Variants in TMEM266 observed in about 807,000 individuals in gnomAD.
TMEM266 encodes Hv1 related protein 1.
In TMEM266, 33 loss-of-function variants were observed where a neutral mutation model predicts 50.5. The observed-to-expected ratio is 0.65, with a 90% confidence interval of 0.50 to 0.87. The LOEUF (loss-of-function observed/expected upper bound fraction) is 0.87. TMEM266 is among the 40% of genes least tolerant of loss of function. The pLI is 0.00. For synonymous variants in TMEM266, 310 were observed against 292.3 expected (o/e 1.06, Z -0.62); for missense variants, 655 against 695.1 (o/e 0.94, Z 0.65).
At chr15:76,066,116 T>G (rs761571557) in intron 1 of TMEM266, among the ~76,000 whole-genome samples, 1 of 152,236 alleles carries the variant, frequency 6.6e-6, no homozygotes, top group Non-Finnish European at 1.5e-5. Flanking sequence ...TTCCTCAGCA[T>G]TTAGCACTAT....
chr15:76,123,789 T>G (rs1028198330), intron 1 of TMEM266, among the ~76,000 whole-genome samples: 1 of 151,650 alleles, frequency 6.6e-6, no homozygotes, highest in Non-Finnish European at 1.5e-5. Context: ...TCACTGCCAC[T>G]GCAACCTCCA....
intron 1 of TMEM266, among the ~76,000 whole-genome samples, chr15:76,065,928 C>T (rs776347061): frequency 6.6e-6 from 1 of 152,106 alleles, no homozygotes; most frequent in Non-Finnish European, 1.5e-5. Flanking sequence ...CTATTCTGCC[C>T]CTCCTTCCCT....
rs763774429 is a variant in TMEM266 at position 76,203,870 on chromosome 15, C to T, written c.1151C>T (p.Ala384Val). Residue 384 changes from alanine to valine, a missense_variant, in exon 11 of 11, where the codon GCC (alanine) becomes GTC (valine). By Grantham distance (64) the Ala-to-Val change is moderately conservative (BLOSUM62 0). Around this residue, in one of 3 missense-constraint regions of TMEM266, gnomAD observed 455 missense variants for 401.8 expected, o/e 1.13. Transcript: ENST00000388942. The stretch of plus-strand genomic sequence containing the variant: ...AAACTCGGCGGTAATGGCACCAGCG[C>T]CACCTCGGAGAGTGCCTCCCGCAGC... The T allele has an allele frequency of 1.9e-6, 3 of 1,614,210 alleles. No individual in the cohort carries two copies. Among genetic ancestry groups the T allele is most frequent in the Middle Eastern group, 1.6e-4 (1 of 6,062 alleles).
intron 1 of TMEM266, among the ~76,000 whole-genome samples, chr15:76,101,533 T>A (rs993750788): frequency 6.6e-5 from 10 of 152,154 alleles, no homozygotes; most frequent in African/African-American, 2.4e-4. Flanking sequence ...TTGGGAGACT[T>A]TGGGAAGGTC....
chr15:76,199,208 G>A (rs1419891407), intron 9 of TMEM266, among the ~76,000 whole-genome samples: 3 of 152,234 alleles, frequency 2.0e-5, no homozygotes, highest in Non-Finnish European at 4.4e-5. Flanking sequence ...GATGGAGGCG[G>A]ATGGAGAAAC....
chr15:76,156,142 C>T (rs377307983), intron 3 of TMEM266, among the ~76,000 whole-genome samples: 1 of 152,316 alleles, frequency 6.6e-6, no homozygotes, highest in African/African-American at 2.4e-5. Context: ...GGGCAGATCA[C>T]CTGAGGTCAG....
chr15:76,141,712 ACT>A (rs1257866299), intron 3 of TMEM266, among the ~76,000 whole-genome samples: 1 of 151,900 alleles, frequency 6.6e-6, no homozygotes, highest in African/African-American at 2.4e-5. Context: ...CAAACTAGAA[ACT>A]CTATACCCAG....
intron 1 of TMEM266, among the ~76,000 whole-genome samples, chr15:76,104,860 C>T (rs2037057396): frequency 6.6e-6 from 1 of 152,118 alleles, no homozygotes; most frequent in African/African-American, 2.4e-5. Flanking sequence ...GTTTGTGTTC[C>T]TGTCAGAGCC....
At chr15:76,177,275 G>A (rs1366233047) in intron 8 of TMEM266, among the ~76,000 whole-genome samples, 2 of 152,248 alleles carry the variant, frequency 1.3e-5, no homozygotes. Flanking sequence ...CACTCCGCGC[G>A]TTGTAGGTCT....
rs139694186 is a variant in TMEM266 at position 76,091,627 on chromosome 15, T to C, written c.-97+31611T>C. On this transcript the variant is annotated intron_variant, in intron 1 of 10. Coordinates refer to ENST00000388942, the MANE Select transcript of TMEM266 (RefSeq NM_152335.3). ...GATCTTTCATAAAATGGAGAAAACA[T>C]TTATTTCTGCTTCCTGTTTCTACTT... Among the ~76,000 whole-genome samples, 49 of 152,056 alleles carry C rather than the reference T, an allele frequency of 3.2e-4. No homozygotes were observed. In the East Asian group the frequency reaches 9.1e-3, roughly 28 times the overall value.
intron 8 of TMEM266, chr15:76,191,601 C>A: frequency 5.3e-6 from 1 of 188,014 alleles, no homozygotes. Context: ...TCGAGCACCC[C>A]TTGGGGTCAC....
chr15:76,080,055 T>G (rs1268255827), intron 1 of TMEM266, among the ~76,000 whole-genome samples: 1 of 151,616 alleles, frequency 6.6e-6, no homozygotes, highest in Non-Finnish European at 1.5e-5. Context: ...AGCAATGACT[T>G]AACAGTGATG....
chr15:76,110,478 T>C (rs1264110943), intron 1 of TMEM266, among the ~76,000 whole-genome samples: 1 of 152,172 alleles, frequency 6.6e-6, no homozygotes, highest in Non-Finnish European at 1.5e-5. Flanking sequence ...GTTAGTGTAT[T>C]TTATGTGTGG....
intron 3 of TMEM266, among the ~76,000 whole-genome samples, chr15:76,141,056 A>G (rs1311850953): frequency 3.3e-5 from 5 of 152,040 alleles, no homozygotes; most frequent in Non-Finnish European, 1.5e-5. Flanking sequence ...AAAACATGAC[A>G]GAGACGGGAA....
At chr15:76,075,281 C>T (rs1232193970) in intron 1 of TMEM266, among the ~76,000 whole-genome samples, 1 of 151,992 alleles carries the variant, frequency 6.6e-6, no homozygotes, top group Non-Finnish European at 1.5e-5. Context: ...GTAATGAGCC[C>T]TAGGGCATAG....
chr15:76,178,035 G>GC (rs146495142), intron 8 of TMEM266, among the ~76,000 whole-genome samples: 2,079 of 152,258 alleles, frequency 0.014, 35 homozygotes, highest in African/African-American at 0.042. Context: ...TGGGTGCAGT[G>GC]CCCCCGGGGT....
chr15:76,083,606 C>T (rs1161839489), intron 1 of TMEM266, among the ~76,000 whole-genome samples: 1 of 152,246 alleles, frequency 6.6e-6, no homozygotes, highest in Non-Finnish European at 1.5e-5. Flanking sequence ...CACCCCCACA[C>T]CATCTAGACC....
At chr15:76,068,398 T>G (rs1223809665) in intron 1 of TMEM266, among the ~76,000 whole-genome samples, 2 of 152,198 alleles carry the variant, frequency 1.3e-5, no homozygotes, top group Non-Finnish European at 2.9e-5. Context: ...CTACTGTATC[T>G]TCAGTGTTCC....
intron 4 of TMEM266, among the ~76,000 whole-genome samples, chr15:76,158,473 G>A (rs2037961506): frequency 6.6e-6 from 1 of 152,090 alleles, no homozygotes; most frequent in South Asian, 2.1e-4. Context: ...GATTGTCCTC[G>A]GGGCCCTCGG....
Sources: gnomAD v4.1 joint callset for allele counts (sites outside exome capture counted in the v4.1 genomes callset) on GRCh38, gnomAD v4.1.1 for gene constraint, gnomAD v4.1.1 regional missense constraint, MANE v1.5 for transcripts, NCBI Gene and HGNC (gene_info 2026-07-23, HGNC 2026-07-21) for gene names.